Variants in GCSAM observed in about 807,000 individuals in gnomAD.
GCSAM encodes germinal center associated signaling and motility.
A neutral mutation model predicts 17.6 loss-of-function variants in GCSAM; 8 were observed. The ratio of observed to expected loss-of-function variants is 0.46; its 90% CI spans 0.27 to 0.82. GCSAM has a LOEUF of 0.82. Among genes scored for constraint, GCSAM ranks in the 40% least tolerant of loss-of-function variants. The pLI, the probability that GCSAM is intolerant of heterozygous loss-of-function variation, is 0.15. For synonymous variants in GCSAM, 68 were observed against 69.0 expected (o/e 0.98, Z 0.07); for missense variants, 192 against 213.5 (o/e 0.90, Z 0.63).
chr3:112,121,052 T>C lies in GCSAM; in HGVS notation c.*2403A>G, dbSNP rs554926488. ...TAATTCCCTTTCATAATCCCTCTTA[T>C]AATTCCCTCTTATAAATCCCTGTTA... On this transcript the variant is annotated 3_prime_UTR_variant, in exon 6 of 6. Coordinates refer to ENST00000308910, the MANE Select transcript of GCSAM (RefSeq NM_152785.5). 3 of 152,316 alleles carry C rather than the reference T, an allele frequency of 2.0e-5. No homozygotes were observed. The highest frequency in any genetic ancestry group is 6.5e-5 in the Admixed American group (1 of 15,302). 9.4% of individuals were successfully genotyped at this position (152,316 alleles called of 1,614,324 possible). A position where few individuals can be genotyped will look rare whatever the true frequency, so the allele number is the denominator to read the frequency against.
At chr3:112,130,231 C>G (rs1006404247) in intron 2 of GCSAM, 11 of 578,720 alleles carry the variant, frequency 1.9e-5, no homozygotes, top group Non-Finnish European at 2.8e-5. Context: ...GTTCCTGTTG[C>G]TAGGAGTTAC....
chr3:112,133,001 G>T, intron 1 of GCSAM, 91 bp downstream of exon 1: 1 of 1,321,856 alleles, frequency 7.6e-7, no homozygotes, highest in Non-Finnish European at 1.1e-6. Flanking sequence ...CCAACTTAGT[G>T]TGCTAACTGT....
chr3:112,130,700 C>T, intron 1 of GCSAM, 187 bp from the exon 2 acceptor site: 1 of 610,676 alleles, frequency 1.6e-6, no homozygotes, highest in South Asian at 1.8e-5. Context: ...ATCTGACATG[C>T]TCTCCATTGC....
intron 4 of GCSAM, among the ~76,000 whole-genome samples, chr3:112,125,911 C>A (rs2074307447): frequency 6.6e-6 from 1 of 152,224 alleles, no homozygotes. Flanking sequence ...AAGAGGCAAA[C>A]TGACACCCTT....
intron 2 of GCSAM, chr3:112,128,459 C>A: frequency 2.9e-6 from 1 of 346,162 alleles, no homozygotes; most frequent in Non-Finnish European, 5.7e-6. Flanking sequence ...TTACTATATT[C>A]TGAATTTCTC....
At chr3:112,129,593 T>A (rs2074404654) in intron 2 of GCSAM, 1 of 152,214 alleles carries the variant, frequency 6.6e-6, no homozygotes, top group Non-Finnish European at 1.5e-5. Flanking sequence ...CTCTCCCTTG[T>A]TATAATGCCG....
At position 112,123,268 on chromosome 3, in the gene GCSAM, G is replaced by A; in HGVS notation, c.*187C>T. On this transcript the variant is annotated 3_prime_UTR_variant, in exon 6 of 6. Coordinates refer to ENST00000308910, the MANE Select transcript of GCSAM (RefSeq NM_152785.5). ...TCAAATGGTGTTGTTCAGGATAAAT[G>A]GTTGATCTTTAGATTTTGGCTTTTG... The A allele has an allele frequency of 9.5e-7, 1 of 1,055,566 alleles. No individual in the cohort carries two copies. The highest frequency in any genetic ancestry group is 1.3e-6 in the Non-Finnish European group (1 of 753,288). 65.4% of individuals were successfully genotyped at this position (1,055,566 alleles called of 1,614,324 possible). A position where few individuals can be genotyped will look rare whatever the true frequency, so the allele number is the denominator to read the frequency against.
chr3:112,127,343 A>G (rs1289178891), intron 3 of GCSAM, among the ~76,000 whole-genome samples: 1 of 152,192 alleles, frequency 6.6e-6, no homozygotes, highest in Non-Finnish European at 1.5e-5. Context: ...CTGACAAAGT[A>G]TCAATTTCTT....
At chr3:112,132,917 G>A in intron 1 of GCSAM, 175 bp downstream of exon 1, 2 of 605,844 alleles carry the variant, frequency 3.3e-6, no homozygotes, top group Admixed American at 6.8e-5. Context: ...AAACCTATGG[G>A]AAATTTAATG....
At chr3:112,126,651 A>C (rs542932566) in intron 4 of GCSAM, among the ~76,000 whole-genome samples, 1 of 152,360 alleles carries the variant, frequency 6.6e-6, no homozygotes, top group South Asian at 2.1e-4. Context: ...TAACTTGGCC[A>C]GGAGGCCCCA....
intron 1 of GCSAM, among the ~76,000 whole-genome samples, chr3:112,131,236 C>T (rs1385324732): frequency 6.6e-6 from 1 of 152,180 alleles, no homozygotes; most frequent in Non-Finnish European, 1.5e-5. Flanking sequence ...TGAGGATCCA[C>T]AGCCACTAAG....
chr3:112,130,707 T>C, intron 1 of GCSAM, 194 bp from the exon 2 acceptor site: 1 of 599,224 alleles, frequency 1.7e-6, no homozygotes, highest in Non-Finnish European at 3.0e-6. Context: ...ATGCTCTCCA[T>C]TGCCACAGCA....
At chr3:112,124,524 C>T (rs903512351) in intron 5 of GCSAM, among the ~76,000 whole-genome samples, 1 of 152,158 alleles carries the variant, frequency 6.6e-6, no homozygotes, top group Non-Finnish European at 1.5e-5. Context: ...CTGAGAATCG[C>T]TTGAACCCAG....
At position 112,133,129 on chromosome 3, in the gene GCSAM, T is replaced by G. The variant is rs150953487; in HGVS notation, c.-9A>C. On this transcript the variant is annotated 5_prime_UTR_variant, in exon 1 of 6. Coordinates refer to ENST00000308910, the MANE Select transcript of GCSAM (RefSeq NM_152785.5). ...AGCAGAGAATTTCCCATCCTCTCAG[T>G]CCTCTCAGGGCTTCCCCTCCGTCCC... 6.2e-7 allele frequency: 1 copy of G among 1,613,880 alleles called. No homozygotes were observed. The highest frequency in any genetic ancestry group is 8.5e-7 in the Non-Finnish European group (1 of 1,179,728).
chr3:112,130,132 AAGGT>A, intron 2 of GCSAM: 1 of 311,942 alleles, frequency 3.2e-6, no homozygotes, highest in East Asian at 6.0e-5. Context: ...GTTGAGCACA[AAGGT>A]ACCTGAGATA....
chr3:112,130,579 A>G, intron 1 of GCSAM, 66 bp from the exon 2 acceptor site: 1 of 1,438,944 alleles, frequency 6.9e-7, no homozygotes, highest in Non-Finnish European at 9.8e-7. Context: ...TCTTTTCATA[A>G]TTTTTCCGAC....
At position 112,123,775 on chromosome 3, in the gene GCSAM, G is replaced by T. The variant is rs768603802; in HGVS notation, c.220-3C>A. The T allele has an allele frequency of 5.6e-6, 9 of 1,603,636 alleles. No homozygotes were observed. In the East Asian group the frequency reaches 1.8e-4, roughly 32 times the overall value. Reference sequence around the variant, plus strand: ...GAGTAGGTCTGGTCAACATTGTCCTGCTTGTCAAAGAAGAACCATCATCAA... The same window carrying T: ...GAGTAGGTCTGGTCAACATTGTCCTTCTTGTCAAAGAAGAACCATCATCAA... On this transcript the variant is annotated splice_region_variant and splice_polypyrimidine_tract_variant and intron_variant, in intron 5 of 5. Transcript: ENST00000308910.
At chr3:112,125,204 A>G in intron 5 of GCSAM, 22 bp downstream of exon 5, 1 of 1,506,276 alleles carries the variant, frequency 6.6e-7, no homozygotes, top group Non-Finnish European at 9.2e-7. Flanking sequence ...CTCAAAAAAT[A>G]GCTTAGAGAT....
At chr3:112,130,193 G>C (rs1212035812) in intron 2 of GCSAM, 1 of 498,746 alleles carries the variant, frequency 2.0e-6, no homozygotes, top group Non-Finnish European at 3.6e-6. Flanking sequence ...TTTTATAACA[G>C]GGCATAACAG....
Sources: gnomAD v4.1 joint callset for allele counts (sites outside exome capture counted in the v4.1 genomes callset) on GRCh38, gnomAD v4.1.1 for gene constraint, MANE v1.5 for transcripts, NCBI Gene and HGNC (gene_info 2026-07-23, HGNC 2026-07-21) for gene names.